The following MYO1D variants were observed in gnomAD, a reference collection of about 807,000 sequenced individuals.
MYO1D encodes unconventional myosin-Id.
Under a neutral mutation model 122.0 loss-of-function variants are expected in MYO1D, and 83 were observed. That is an observed-to-expected ratio of 0.68 (90% CI 0.57 to 0.82). The LOEUF is 0.82. MYO1D is among the 40% of genes least tolerant of loss of function. MYO1D has a pLI of 0.00. For missense variants in MYO1D, 1,157 were observed against 1,269.5 expected, an observed-to-expected ratio of 0.91 and a Z score of 1.35; for synonymous variants, 464 against 446.9, an observed-to-expected ratio of 1.04 and a Z score of -0.48.
At chr17:32,557,152 CTTG>C (rs1470302439) in intron 21 of MYO1D, among the ~76,000 whole-genome samples, 3 of 149,720 alleles carry the variant, frequency 2.0e-5, no homozygotes, top group Non-Finnish European at 4.4e-5. Context: ...GTGTTTCACT[CTTG>C]TTGTCCAGGC....
At chr17:32,826,023 C>T (rs1021181076) in intron 1 of MYO1D, among the ~76,000 whole-genome samples, 9 of 141,718 alleles carry the variant, frequency 6.4e-5, no homozygotes, top group Non-Finnish European at 1.1e-4. Flanking sequence ...CATTCCAGCC[C>T]GGGTGATAGA....
Position 32,653,755 on chromosome 17 carries a change from T to C in MYO1D, c.2595+88A>G. 3 of 1,094,248 alleles carry C rather than the reference T, an allele frequency of 2.7e-6. No individual in the cohort carries two copies. The South Asian group carries it at 4.0e-5, about 15-fold the overall frequency. The allele number at this position is 1,094,248 out of a possible 1,614,324, so 67.8% of individuals were successfully genotyped here. A position where few individuals can be genotyped will look rare whatever the true frequency, so the allele number is the denominator to read the frequency against. On this transcript the variant is annotated intron_variant, in intron 19 of 21. Coordinates refer to ENST00000318217, the MANE Select transcript of MYO1D (RefSeq NM_015194.3). Reference sequence around the variant, plus strand: ...ATGATGAAGCTAGTTATGTACCTACTGTTATGTTTTATTACAGGCTTGCTT... The same window carrying C: ...ATGATGAAGCTAGTTATGTACCTACCGTTATGTTTTATTACAGGCTTGCTT...
Position 32,540,376 on chromosome 17 carries a change from G to GA in MYO1D, c.2865-45462dup, listed in dbSNP as rs908742597. Among the ~76,000 whole-genome samples the GA allele has an allele frequency of 1.4e-3, 176 of 128,704 alleles. 5 individuals are homozygous for GA. Among genetic ancestry groups the GA allele is most frequent in the Admixed American group, 0.013 (173 of 13,374 alleles). 84.4% of individuals were successfully genotyped at this position (128,704 alleles called of 152,430 possible). ...AAGTGAAAAGAAAACCCACAGAATA[G>GA]AAAAAAACTTTGCAAATCATATATC... On this transcript the variant is annotated intron_variant, in intron 21 of 21. Transcript: ENST00000318217.
chr17:32,826,048 T>TAAA (rs5819999), intron 1 of MYO1D, among the ~76,000 whole-genome samples: 10 of 119,488 alleles, frequency 8.4e-5, no homozygotes, highest in Admixed American at 1.8e-4. Context: ...AACTCCATCT[T>TAAA]AAAAAAAAAA....
At chr17:32,835,096 G>A (rs1190081715) in intron 1 of MYO1D, among the ~76,000 whole-genome samples, 2 of 151,758 alleles carry the variant, frequency 1.3e-5, no homozygotes, top group Non-Finnish European at 2.9e-5. Context: ...GTCCTGCACA[G>A]TCTGGTCCCA....
intron 17 of MYO1D, among the ~76,000 whole-genome samples, chr17:32,656,038 A>G (rs1471309176): frequency 6.6e-6 from 1 of 152,226 alleles, no homozygotes; most frequent in Non-Finnish European, 1.5e-5. Flanking sequence ...AACCAAAAAT[A>G]ACCTGTTCCT....
intron 20 of MYO1D, among the ~76,000 whole-genome samples, chr17:32,619,614 C>T (rs2087828854): frequency 6.6e-6 from 1 of 152,184 alleles, no homozygotes; most frequent in African/African-American, 2.4e-5. Flanking sequence ...ATTCAAATTA[C>T]ACGTAACCAT....
intron 21 of MYO1D, among the ~76,000 whole-genome samples, chr17:32,546,612 G>A (rs2086966879): frequency 6.6e-6 from 1 of 152,220 alleles, no homozygotes; most frequent in African/African-American, 2.4e-5. Flanking sequence ...GGATTTGTGG[G>A]GGGCATGGCT....
At chr17:32,507,227 CCT>C (rs949665139) in intron 21 of MYO1D, among the ~76,000 whole-genome samples, 1 of 150,164 alleles carries the variant, frequency 6.7e-6, no homozygotes, top group African/African-American at 2.5e-5. Flanking sequence ...AGAATGAGAC[CCT>C]GTCTTTACAA....
chr17:32,793,892 C>T (rs1367975740), intron 1 of MYO1D, among the ~76,000 whole-genome samples: 1 of 152,198 alleles, frequency 6.6e-6, no homozygotes, highest in Non-Finnish European at 1.5e-5. Flanking sequence ...AGATACTCTG[C>T]ATAAAGTGCT....
intron 1 of MYO1D, among the ~76,000 whole-genome samples, chr17:32,810,849 T>G (rs1037227175): frequency 6.6e-6 from 1 of 151,074 alleles, no homozygotes; most frequent in African/African-American, 2.5e-5. Flanking sequence ...GTTTGAGGAG[T>G]TGTCTTTTTT....
At chr17:32,776,957 C>T (rs4795719) in intron 3 of MYO1D, among the ~76,000 whole-genome samples, 21,340 of 152,164 alleles carry the variant, frequency 0.14, 1,923 homozygotes, top group Middle Eastern at 0.24. Context: ...TACTGTTACT[C>T]CCGCTAATAC....
intron 1 of MYO1D, among the ~76,000 whole-genome samples, chr17:32,822,780 G>A (rs1329257074): frequency 2.6e-5 from 4 of 151,484 alleles, no homozygotes; most frequent in Non-Finnish European, 4.4e-5. Flanking sequence ...CCCCGCACCC[G>A]GCCGACCTCC....
intron 21 of MYO1D, among the ~76,000 whole-genome samples, chr17:32,522,139 A>T (rs1012264669): frequency 1.3e-5 from 2 of 151,370 alleles, no homozygotes; most frequent in Admixed American, 1.3e-4. Context: ...TATTCCAAAT[A>T]TTCAGGTCGA....
intron 1 of MYO1D, among the ~76,000 whole-genome samples, chr17:32,830,718 A>T (rs912625755): frequency 1.3e-5 from 2 of 152,224 alleles, no homozygotes; most frequent in Admixed American, 1.3e-4. Flanking sequence ...TTGGGTTTTT[A>T]AATTTTTCCT....
chr17:32,705,509 C>T (rs1415990674), intron 16 of MYO1D, among the ~76,000 whole-genome samples: 5 of 152,148 alleles, frequency 3.3e-5, no homozygotes, highest in Admixed American at 2.0e-4. Context: ...GTGATCCGCC[C>T]GCCTTGGCCT....
At chr17:32,510,178 G>C (rs1442473847) in intron 21 of MYO1D, 4 of 152,218 alleles carry the variant, frequency 2.6e-5, no homozygotes, top group Non-Finnish European at 5.9e-5. Flanking sequence ...AACAGCATTT[G>C]CGCCTCCATT....
At chr17:32,622,746 G>A (rs1487238124) in intron 20 of MYO1D, among the ~76,000 whole-genome samples, 1 of 152,136 alleles carries the variant, frequency 6.6e-6, no homozygotes, top group East Asian at 1.9e-4. Context: ...TTTGCAAGGG[G>A]GCAAAGAGCA....
intron 16 of MYO1D, among the ~76,000 whole-genome samples, chr17:32,693,819 C>T (rs903074984): frequency 7.2e-5 from 11 of 152,064 alleles, no homozygotes; most frequent in South Asian, 4.1e-4. Context: ...CCATTATTTT[C>T]CAAATATGCT....
Sources: allele counts gnomAD v4.1 joint callset (sites outside exome capture counted in the v4.1 genomes callset), GRCh38; gene constraint gnomAD v4.1.1; transcripts MANE v1.5; gene names NCBI Gene and HGNC (gene_info 2026-07-23, HGNC 2026-07-21).